LURAP1L: variants seen among roughly 807,000 people sequenced by gnomAD.
The protein encoded by LURAP1L is leucine rich adaptor protein 1 like.
Under a neutral mutation model 13.8 loss-of-function variants are expected in LURAP1L, and 12 were observed. The ratio of observed to expected loss-of-function variants is 0.87; its 90% confidence interval spans 0.56 to 1.41. The LOEUF is 1.41. Among genes scored for constraint, LURAP1L ranks in the 40% most tolerant of loss-of-function variants. The probability of loss-of-function intolerance (pLI) is 0.00; values close to 1 mark genes in which losing one functional copy is unlikely to be tolerated. For missense variants in LURAP1L, 375 were observed against 292.9 expected (o/e 1.28, Z -2.04); for synonymous variants, 139 against 119.2 (o/e 1.17, Z -1.08).
intron 1 of LURAP1L, among the ~76,000 whole-genome samples, chr9:12,796,444 A>G (rs543057818): frequency 4.6e-5 from 7 of 152,142 alleles, no homozygotes; most frequent in Non-Finnish European, 8.8e-5. Context: ...ACATTGTGTT[A>G]TAAACCCTTT....
At chr9:12,819,003 T>G (rs1025136973) in intron 1 of LURAP1L, among the ~76,000 whole-genome samples, 4 of 152,188 alleles carry the variant, frequency 2.6e-5, no homozygotes, top group Non-Finnish European at 5.9e-5. Context: ...ATATTACTTG[T>G]AACTTGACCA....
intron 1 of LURAP1L, among the ~76,000 whole-genome samples, chr9:12,781,892 C>T (rs888377140): frequency 2.6e-5 from 4 of 152,060 alleles, no homozygotes; most frequent in African/African-American, 4.8e-5. Context: ...ACAAGGGTTC[C>T]CTTTTGTCCA....
chr9:12,782,220 T>C (rs905605764), intron 1 of LURAP1L, among the ~76,000 whole-genome samples: 5 of 152,214 alleles, frequency 3.3e-5, no homozygotes, highest in Admixed American at 2.0e-4. Context: ...CTCTCCACTT[T>C]GTTGGTTGTT....
At chr9:12,788,618 C>T (rs1448009100) in intron 1 of LURAP1L, among the ~76,000 whole-genome samples, 1 of 151,780 alleles carries the variant, frequency 6.6e-6, no homozygotes, top group Non-Finnish European at 1.5e-5. Flanking sequence ...ATTTATGTAG[C>T]TATTAAAATT....
At chr9:12,776,219 C>A (rs1819180592) in intron 1 of LURAP1L, among the ~76,000 whole-genome samples, 192 bp downstream of exon 1, 1 of 152,122 alleles carries the variant, frequency 6.6e-6, no homozygotes, top group Admixed American at 6.5e-5. Flanking sequence ...TTGTTTACCG[C>A]GGACTTTGCT....
intron 1 of LURAP1L, among the ~76,000 whole-genome samples, chr9:12,813,140 A>G (rs1050708008): frequency 6.6e-6 from 1 of 152,142 alleles, no homozygotes; most frequent in East Asian, 1.9e-4. Flanking sequence ...TACCTCCTCA[A>G]TGGTACACTG....
chr9:12,791,432 A>C (rs1161547934), intron 1 of LURAP1L, among the ~76,000 whole-genome samples: 1 of 152,044 alleles, frequency 6.6e-6, no homozygotes, highest in African/African-American at 2.4e-5. Context: ...CAGTACATAC[A>C]ATATTGTTGG....
intron 1 of LURAP1L, among the ~76,000 whole-genome samples, chr9:12,802,220 C>G (rs1262699497): frequency 6.6e-6 from 1 of 152,196 alleles, no homozygotes; most frequent in Non-Finnish European, 1.5e-5. Context: ...AGCCTCTAAG[C>G]TATTTTGAGG....
intron 1 of LURAP1L, among the ~76,000 whole-genome samples, chr9:12,788,053 A>G (rs978278175): frequency 6.6e-6 from 1 of 152,022 alleles, no homozygotes; most frequent in African/African-American, 2.4e-5. Flanking sequence ...CAGAGGTTGC[A>G]ATGAACCAAC....
chr9:12,781,954 A>T (rs554221500), intron 1 of LURAP1L, among the ~76,000 whole-genome samples: 6 of 152,286 alleles, frequency 3.9e-5, no homozygotes, highest in Admixed American at 2.6e-4. Flanking sequence ...AGCCATTATA[A>T]CTGGGGTGAG....
chr9:12,820,419 C>T (rs1448699972), intron 1 of LURAP1L, among the ~76,000 whole-genome samples: 2 of 143,270 alleles, frequency 1.4e-5, no homozygotes, highest in South Asian at 4.7e-4. Flanking sequence ...AGGAGAATGG[C>T]GTGAACTCAG....
chr9:12,786,377 T>C (rs1466848272), intron 1 of LURAP1L, among the ~76,000 whole-genome samples: 1 of 151,476 alleles, frequency 6.6e-6, no homozygotes, highest in Non-Finnish European at 1.5e-5. Flanking sequence ...TACAGAGATC[T>C]GACTTAATCA....
chr9:12,789,404 T>C (rs1243055434), intron 1 of LURAP1L, among the ~76,000 whole-genome samples: 4 of 152,204 alleles, frequency 2.6e-5, no homozygotes, highest in Admixed American at 2.6e-4. Flanking sequence ...CTTCCTTTTA[T>C]CCTATTTCAT....
At chr9:12,788,336 C>A (rs1819392012) in intron 1 of LURAP1L, among the ~76,000 whole-genome samples, 1 of 151,932 alleles carries the variant, frequency 6.6e-6, no homozygotes. Context: ...AATGGGCACT[C>A]TTCTGCACTA....
At chr9:12,794,915 T>C (rs1303162044) in intron 1 of LURAP1L, among the ~76,000 whole-genome samples, 1 of 151,970 alleles carries the variant, frequency 6.6e-6, no homozygotes, top group Non-Finnish European at 1.5e-5. Context: ...TATTTCACGT[T>C]ACTTAACTAA....
chr9:12,820,725 G>C (rs1563900981), intron 1 of LURAP1L, among the ~76,000 whole-genome samples: 1 of 152,022 alleles, frequency 6.6e-6, no homozygotes, highest in African/African-American at 2.4e-5. Flanking sequence ...AGAGCAATTT[G>C]GTTCTTAAAA....
At chr9:12,801,796 T>C (rs1393294178) in intron 1 of LURAP1L, among the ~76,000 whole-genome samples, 1 of 152,184 alleles carries the variant, frequency 6.6e-6, no homozygotes, top group Non-Finnish European at 1.5e-5. Flanking sequence ...AACATATTTG[T>C]CATGGGAATT....
intron 1 of LURAP1L, among the ~76,000 whole-genome samples, chr9:12,785,050 G>A (rs1819330323): frequency 6.6e-6 from 1 of 151,362 alleles, no homozygotes; most frequent in African/African-American, 2.4e-5. Flanking sequence ...TTTACTCAAG[G>A]CCCAAGGGCT....
chr9:12,782,665 T>G (rs1302003697), intron 1 of LURAP1L, among the ~76,000 whole-genome samples: 1 of 151,840 alleles, frequency 6.6e-6, no homozygotes, highest in Non-Finnish European at 1.5e-5. Flanking sequence ...TTGAAGTCAG[T>G]TTTGTTCTTT....
Sources: gnomAD v4.1 joint callset for allele counts (sites outside exome capture counted in the v4.1 genomes callset) on GRCh38, gnomAD v4.1.1 for gene constraint, MANE v1.5 for transcripts, NCBI Gene and HGNC (gene_info 2026-07-23, HGNC 2026-07-21) for gene names.